Variants in PREP observed in about 807,000 individuals in gnomAD.
PREP encodes the protein prolyl endopeptidase.
Under a neutral mutation model 87.6 loss-of-function variants are expected in PREP, and 29 were observed. The ratio of observed to expected loss-of-function variants is 0.33; its 90% CI spans 0.25 to 0.45. The LOEUF is 0.45. PREP is among the 20% of genes least tolerant of loss of function. The probability of loss-of-function intolerance (pLI) is 1.00; values close to 1 mark genes in which losing one functional copy is unlikely to be tolerated. For missense variants in PREP, 695 were observed against 886.5 expected (o/e 0.78, Z 2.74); for synonymous variants, 337 against 328.6 (o/e 1.03, Z -0.28).
intron 11 of PREP, among the ~76,000 whole-genome samples, chr6:105,287,614 G>T (rs1298908531): frequency 6.6e-6 from 1 of 152,134 alleles, no homozygotes; most frequent in Non-Finnish European, 1.5e-5. Flanking sequence ...CAAAGTACCA[G>T]TGTTCTTGTA....
At chr6:105,373,974 T>A (rs1349017933) in intron 4 of PREP, among the ~76,000 whole-genome samples, 1 of 152,222 alleles carries the variant, frequency 6.6e-6, no homozygotes, top group Non-Finnish European at 1.5e-5. Flanking sequence ...GAGTAATGAC[T>A]GAATTATGAC....
chr6:105,379,700 C>A (rs922879734), intron 2 of PREP, among the ~76,000 whole-genome samples: 1 of 152,196 alleles, frequency 6.6e-6, no homozygotes, highest in Non-Finnish European at 1.5e-5. Context: ...TGGGTAGGAA[C>A]ATCAGGGAGC....
chr6:105,289,033 T>C (rs889466446), intron 10 of PREP, 139 bp from the exon 11 acceptor site: 1 of 822,438 alleles, frequency 1.2e-6, no homozygotes, highest in Non-Finnish European at 1.9e-6. Context: ...AAGGGCTATT[T>C]GGTGAAGCAC....
chr6:105,377,627 G>A (rs1205632895), intron 2 of PREP, 108 bp from the exon 3 acceptor site: 7 of 1,191,814 alleles, frequency 5.9e-6, no homozygotes, highest in Non-Finnish European at 7.2e-6. Flanking sequence ...CTTAGCCAGT[G>A]CCTCTTCTCT....
intron 1 of PREP, 131 bp from the exon 2 acceptor site, chr6:105,398,058 G>T: frequency 2.9e-6 from 2 of 691,146 alleles, no homozygotes; most frequent in Non-Finnish European, 2.4e-6. Context: ...CAACGTGTCT[G>T]CCCAAATTAC....
intron 1 of PREP, among the ~76,000 whole-genome samples, 159 bp downstream of exon 1, chr6:105,402,688 C>A (rs1225250045): frequency 6.6e-6 from 1 of 152,190 alleles, no homozygotes; most frequent in African/African-American, 2.4e-5. Context: ...TGCAGAGGAG[C>A]CCCGCGCCCC....
At chr6:105,309,580 TTC>T (rs146902457) in intron 10 of PREP, among the ~76,000 whole-genome samples, 2,083 of 152,226 alleles carry the variant, frequency 0.014, 23 homozygotes, top group Middle Eastern at 0.051. Flanking sequence ...CTACCTTTTT[TTC>T]TTTTTTCTTT....
chr6:105,333,606 A>C (rs1231436003), intron 7 of PREP, 101 bp from the exon 8 acceptor site: 1 of 1,182,146 alleles, frequency 8.5e-7, no homozygotes, highest in East Asian at 2.4e-5. Flanking sequence ...TCCTCAAAAC[A>C]TAAAGCAGAG....
chr6:105,299,643 T>G (rs1383313473), intron 10 of PREP, among the ~76,000 whole-genome samples: 1 of 152,210 alleles, frequency 6.6e-6, no homozygotes, highest in Admixed American at 6.5e-5. Flanking sequence ...TTATGGCACA[T>G]TACTACCAAG....
At position 105,278,176 on chromosome 6, in the gene PREP, C is replaced by A; in HGVS notation, c.2101G>T (p.Ala701Ser). The A allele has an allele frequency of 6.2e-7, 1 of 1,613,428 alleles. No homozygotes were observed. Among genetic ancestry groups the A allele is most frequent in the Non-Finnish European group, 8.5e-7 (1 of 1,179,470 alleles). Reference sequence around the variant, plus strand: ...ATCCAGTCGACGTTCAGGCACCGCGCGATGAACGCAAACATGTCTGAGACT... The same window carrying A: ...ATCCAGTCGACGTTCAGGCACCGCGAGATGAACGCAAACATGTCTGAGACT... Reference protein sequence around the residue: ...EEVSDMFAFIARCLNVDWIP With the variant: ...EEVSDMFAFISRCLNVDWIP Residue 701 changes from alanine to serine, a missense_variant, in exon 15 of 15, where the codon GCG becomes TCG. Physicochemically the swap from Ala to Ser is moderately conservative, Grantham distance 99 (BLOSUM62 1). Around this residue, in one of 5 missense-constraint regions of PREP, gnomAD observed 121 missense variants for 154.8 expected, o/e 0.78. Transcript: ENST00000652536. This position sits in a 1 kb window ranked among gnomAD's most constrained non-coding sequence, Gnocchi z 4.2.
intron 2 of PREP, among the ~76,000 whole-genome samples, chr6:105,379,304 A>G (rs1019892934): frequency 6.6e-5 from 10 of 152,212 alleles, no homozygotes; most frequent in Non-Finnish European, 1.3e-4. Flanking sequence ...TGCAACATTT[A>G]AAATATTTAC....
chr6:105,361,809 T>A (rs1772253734), intron 6 of PREP, among the ~76,000 whole-genome samples: 1 of 152,176 alleles, frequency 6.6e-6, no homozygotes, highest in Non-Finnish European at 1.5e-5. Flanking sequence ...CCACCTACAA[T>A]GATGACTTTT....
chr6:105,387,647 A>G (rs1282978416), intron 2 of PREP, among the ~76,000 whole-genome samples: 1 of 150,108 alleles, frequency 6.7e-6, no homozygotes, highest in Non-Finnish European at 1.5e-5. Flanking sequence ...GAAAAAGAAA[A>G]AGAAAGAAAA....
chr6:105,328,161 T>G (rs1771220703), intron 9 of PREP, among the ~76,000 whole-genome samples: 3 of 152,180 alleles, frequency 2.0e-5, no homozygotes, highest in African/African-American at 7.2e-5. Flanking sequence ...CAGAAAACAT[T>G]TTTTGTCAGA....
chr6:105,339,098 C>G (rs1399403968), intron 7 of PREP, among the ~76,000 whole-genome samples: 2 of 152,210 alleles, frequency 1.3e-5, no homozygotes, highest in African/African-American at 4.8e-5. Flanking sequence ...AAGTGGGTCC[C>G]TGACCCCTGA....
At chr6:105,356,371 T>C (rs950579268) in intron 6 of PREP, among the ~76,000 whole-genome samples, 20 of 152,200 alleles carry the variant, frequency 1.3e-4, no homozygotes, top group Non-Finnish European at 2.1e-4. Context: ...TCCCAGCTGT[T>C]TTAAACCTTT....
chr6:105,368,680 C>T (rs978839070), intron 6 of PREP, among the ~76,000 whole-genome samples: 12 of 152,056 alleles, frequency 7.9e-5, no homozygotes, highest in African/African-American at 2.2e-4. Flanking sequence ...CTTTTTTACC[C>T]TCAAAGTATT....
In PREP at chr6:105,295,235, C is replaced by T. The variant is rs577809037; in HGVS notation, c.1318-6341G>A. ...TGGCCTTGCCTATCCCTCACAGGGT[C>T]CATCTGCTTGTAGCTCCTGGTAAAG... is the stretch of plus-strand genomic sequence containing the variant. On this transcript the variant is annotated intron_variant, in intron 10 of 14. Coordinates refer to ENST00000652536, the MANE Select transcript of PREP (RefSeq NM_002726.5). Among the ~76,000 whole-genome samples the T allele has an allele frequency of 3.3e-5, 5 of 151,370 alleles. No individual in the cohort carries two copies. In the East Asian group the frequency reaches 7.8e-4, roughly 24 times the overall value.
intron 1 of PREP, among the ~76,000 whole-genome samples, chr6:105,402,377 G>C (rs1473391211): frequency 6.6e-6 from 1 of 151,902 alleles, no homozygotes; most frequent in East Asian, 1.9e-4. Flanking sequence ...GGACTTTAAA[G>C]TGTAAGTTTT....
Sources: allele counts gnomAD v4.1 joint callset (sites outside exome capture counted in the v4.1 genomes callset), GRCh38; gene constraint gnomAD v4.1.1; regional missense constraint gnomAD v4.1.1; non-coding constraint Gnocchi (gnomAD v3.1); transcripts MANE v1.5; gene names NCBI Gene and HGNC (gene_info 2026-07-23, HGNC 2026-07-21).